The following DPYD variants were observed in gnomAD, a reference collection of about 807,000 sequenced individuals.
DPYD encodes dihydropyrimidine dehydrogenase [NADP(+)].
A neutral mutation model predicts 116.2 loss-of-function variants in DPYD; 109 were observed. That is an observed-to-expected ratio of 0.94 (90% CI 0.80 to 1.10). The LOEUF (loss-of-function observed/expected upper bound fraction) is 1.10. Among genes scored for constraint, DPYD ranks in the 50% least tolerant of loss-of-function variants. The pLI is 0.00. For missense variants in DPYD, 1,302 were observed against 1,254.5 expected, an observed-to-expected ratio of 1.04 and a Z score of -0.57; for synonymous variants, 440 against 432.0, an observed-to-expected ratio of 1.02 and a Z score of -0.23.
chr1:97,883,115 C>T, intron 2 of DPYD, 149 bp downstream of exon 2: 1 of 581,948 alleles, frequency 1.7e-6, no homozygotes, highest in Non-Finnish European at 3.0e-6. Flanking sequence ...AATACACTTT[C>T]AAACTTTTTC....
intron 1 of DPYD, among the ~76,000 whole-genome samples, chr1:97,897,211 A>G (rs1276027385): frequency 4.0e-5 from 6 of 151,854 alleles, no homozygotes; most frequent in Admixed American, 3.9e-4. Context: ...TTGTTCCCTG[A>G]TACTTTAAAT....
In DPYD at chr1:97,625,606, T is replaced by C. The variant is rs566234822; in HGVS notation, c.851-30440A>G. Among the ~76,000 whole-genome samples the C allele has an allele frequency of 3.9e-5, 6 of 152,030 alleles. 1 individual carries two copies. The highest frequency in any genetic ancestry group is 2.6e-4 in the Admixed American group (4 of 15,230). ...AGTTAGAGTGGGCCCTAATTCAACATGACTGGTGCCCTAAAAACAGGAGGA... is the reference window on the plus strand; with the variant it reads ...AGTTAGAGTGGGCCCTAATTCAACACGACTGGTGCCCTAAAAACAGGAGGA... On this transcript the variant is annotated intron_variant, in intron 8 of 22. Coordinates refer to ENST00000370192, the MANE Select transcript of DPYD (RefSeq NM_000110.4).
intron 8 of DPYD, among the ~76,000 whole-genome samples, chr1:97,657,188 T>G (rs1267321415): frequency 6.6e-6 from 1 of 151,892 alleles, no homozygotes; most frequent in Non-Finnish European, 1.5e-5. Flanking sequence ...AGGCTCGCCT[T>G]GAACTCTCAA....
chr1:97,345,227 T>C (rs1669782667), intron 16 of DPYD, among the ~76,000 whole-genome samples: 1 of 152,022 alleles, frequency 6.6e-6, no homozygotes, highest in South Asian at 2.1e-4. Flanking sequence ...ACATGAAGAG[T>C]GCATTATCAT....
chr1:97,791,876 T>C (rs1667336865), intron 3 of DPYD, among the ~76,000 whole-genome samples: 1 of 152,034 alleles, frequency 6.6e-6, no homozygotes, highest in Non-Finnish European at 1.5e-5. Flanking sequence ...GAAGTAGAAA[T>C]ATAGAAAGGA....
At chr1:97,361,642 G>C (rs575435682) in intron 16 of DPYD, among the ~76,000 whole-genome samples, 1 of 152,128 alleles carries the variant, frequency 6.6e-6, no homozygotes, top group African/African-American at 2.4e-5. Flanking sequence ...ATGCCAGCCT[G>C]GTTCAACATA....
At chr1:97,632,627 C>G (rs72732395) in intron 8 of DPYD, among the ~76,000 whole-genome samples, 14,438 of 152,044 alleles carry the variant, frequency 0.095, 796 homozygotes, top group Middle Eastern at 0.15. Flanking sequence ...AAGTTTTAAG[C>G]CAAATAATGA....
intron 12 of DPYD, among the ~76,000 whole-genome samples, chr1:97,541,837 C>T (rs919625098): frequency 9.2e-5 from 14 of 152,220 alleles, no homozygotes; most frequent in African/African-American, 2.9e-4. Flanking sequence ...TCTTTAGGTA[C>T]ACTGTCAAAA....
chr1:97,631,194 G>A (rs1405987077), intron 8 of DPYD, among the ~76,000 whole-genome samples: 1 of 152,082 alleles, frequency 6.6e-6, no homozygotes, highest in African/African-American at 2.4e-5. Context: ...GAGATCAGGA[G>A]TTTCAAGCAT....
chr1:97,196,477 A>T (rs934249706), intron 19 of DPYD, among the ~76,000 whole-genome samples: 1 of 152,114 alleles, frequency 6.6e-6, no homozygotes, highest in Non-Finnish European at 1.5e-5. Flanking sequence ...GTTATTTTAC[A>T]TTTCAGAATA....
rs775391578 is a variant in DPYD, at chr1:97,828,246, T to C, written c.151-50A>G. 2.6e-5 allele frequency: 40 copies of C among 1,560,266 alleles called. No individual in the cohort carries two copies. The African/African-American group carries it at 4.1e-4, about 16-fold the overall frequency. On this transcript the variant is annotated intron_variant, in intron 2 of 22. Transcript: ENST00000370192. The stretch of plus-strand genomic sequence containing the variant: ...TAATTCTCTAAGATCCTGAGAAAAA[T>C]TGTATCTATGCAGTTATGCAAAAAT...
intron 2 of DPYD, among the ~76,000 whole-genome samples, chr1:97,835,078 T>C (rs1362232386): frequency 2.6e-5 from 4 of 152,046 alleles, no homozygotes; most frequent in African/African-American, 4.8e-5. Context: ...ATTTCACTAA[T>C]TGTGGCCAGC....
chr1:97,919,090 A>G (rs1362898432), intron 1 of DPYD, among the ~76,000 whole-genome samples: 1 of 152,234 alleles, frequency 6.6e-6, no homozygotes, highest in Admixed American at 6.5e-5. Context: ...TCACTGCATT[A>G]TATTTTAATG....
intron 20 of DPYD, among the ~76,000 whole-genome samples, chr1:97,128,371 T>C (rs1653010160): frequency 6.6e-6 from 1 of 152,212 alleles, no homozygotes; most frequent in Non-Finnish European, 1.5e-5. Flanking sequence ...TTCATGTCTT[T>C]GAACTAAACA....
intron 18 of DPYD, among the ~76,000 whole-genome samples, chr1:97,278,421 T>C (rs879656982): frequency 6.6e-6 from 1 of 152,208 alleles, no homozygotes; most frequent in African/African-American, 2.4e-5. Context: ...AGAAAGTAAA[T>C]GGACAGGGAA....
chr1:97,185,725 C>A (rs1657948421), intron 20 of DPYD, among the ~76,000 whole-genome samples: 1 of 152,068 alleles, frequency 6.6e-6, no homozygotes, highest in Non-Finnish European at 1.5e-5. Context: ...AATACATATT[C>A]TGTAGAATTC....
intron 18 of DPYD, among the ~76,000 whole-genome samples, chr1:97,271,735 T>TCCTCAAATAG (rs71071643): frequency 0.014 from 2,150 of 152,244 alleles, 22 homozygotes; most frequent in South Asian, 0.023. Flanking sequence ...CCTTACCACA[T>TCCTCAAATAG]CCTCAAATAG....
intron 8 of DPYD, among the ~76,000 whole-genome samples, chr1:97,665,881 G>A (rs1023907562): frequency 3.9e-5 from 6 of 152,130 alleles, no homozygotes; most frequent in African/African-American, 1.2e-4. Context: ...ATGGCTTTTT[G>A]TTATTTCCTG....
chr1:97,169,040 G>A (rs973144444), intron 20 of DPYD, among the ~76,000 whole-genome samples: 1 of 151,788 alleles, frequency 6.6e-6, no homozygotes, highest in African/African-American at 2.4e-5. Flanking sequence ...TAGAGATGGG[G>A]TTTCACCATG....
Sources: gnomAD v4.1 joint callset for allele counts (sites outside exome capture counted in the v4.1 genomes callset) on GRCh38, gnomAD v4.1.1 for gene constraint, MANE v1.5 for transcripts, NCBI Gene and HGNC (gene_info 2026-07-23, HGNC 2026-07-21) for gene names.